Variants in LRP1 observed in about 807,000 individuals in gnomAD.
LRP1 encodes prolow-density lipoprotein receptor-related protein 1.
LRP1 carries 51 observed loss-of-function variants against 541.5 expected under a neutral mutation model. The ratio of observed to expected loss-of-function variants is 0.09; its 90% CI spans 0.08 to 0.12. LRP1 has a LOEUF of 0.12. LRP1 is among the 10% of genes least tolerant of loss of function. The pLI, the probability that LRP1 is intolerant of heterozygous loss-of-function variation, is 1.00. For missense variants in LRP1, 3,878 were observed against 6,376.2 expected, an observed-to-expected ratio of 0.61 and a Z score of 13.34; for synonymous variants, 2,219 against 2,470.8, an observed-to-expected ratio of 0.90 and a Z score of 3.02.
rs2035860106 is a variant in LRP1 at position 57,167,361 on chromosome 12, G to C, written c.2915-83G>C. 7 of 1,018,254 alleles carry C rather than the reference G, an allele frequency of 6.9e-6. No homozygotes were observed. The South Asian group carries it at 9.0e-5, about 13-fold the overall frequency. 63.1% of individuals were successfully genotyped at this position (1,018,254 alleles called of 1,614,324 possible). Reference sequence around the variant, plus strand: ...CTGGGCTAAGGGCTGCTGGTTATGGGAGGGCCGCTGCACTCACCTGCCCAG... The same window carrying C: ...CTGGGCTAAGGGCTGCTGGTTATGGCAGGGCCGCTGCACTCACCTGCCCAG... On this transcript the variant is annotated intron_variant, in intron 18 of 88. Transcript: ENST00000243077.
At position 57,197,525 on chromosome 12, in the gene LRP1, C is replaced by G. The variant is rs373799671; in HGVS notation, c.9163-20C>G. 18 of 1,614,066 alleles carry G rather than the reference C, an allele frequency of 1.1e-5. No homozygotes were observed. The highest frequency in any genetic ancestry group is 1.5e-5 in the Non-Finnish European group (18 of 1,180,000). ...TGTTGCCACAACCGACTTCTGCTGT[C>G]CTTCACTCCCCAAATCCAGGGCCTG... is the stretch of plus-strand genomic sequence containing the variant. On this transcript the variant is annotated intron_variant, in intron 57 of 88. Coordinates refer to ENST00000243077, the MANE Select transcript of LRP1 (RefSeq NM_002332.3). This position sits in a 1 kb window ranked among gnomAD's most constrained non-coding sequence, Gnocchi z 4.5.
At position 57,185,735 on chromosome 12, in the gene LRP1, C is replaced by T; in HGVS notation, c.6668C>T (p.Pro2223Leu). 1 of 1,614,198 alleles carries T rather than the reference C, an allele frequency of 6.2e-7. No homozygotes were observed. Among genetic ancestry groups the T allele is most frequent in the East Asian group, 2.2e-5 (1 of 44,886 alleles). Reference protein sequence around the residue: ...HLSDERNLNAPVQPFEDPEHM... With the variant: ...HLSDERNLNALVQPFEDPEHM... ...TCGGATGAGCGCAACCTCAATGCGC[C>T]CGTGCAGCCCTTCGAGGACCCTGAG... The change falls in exon 41 of 89, where the codon CCC (proline) becomes CTC (leucine). Residue 2223 changes from proline (P) to leucine (L), a missense_variant. Pro to Leu is a moderately conservative substitution (Grantham distance 98). Around this residue, in one of 13 missense-constraint regions of LRP1, gnomAD observed 1,100 missense variants for 1,827.4 expected, o/e 0.60. Transcript: ENST00000243077. The surrounding 1 kb of genome is among the most constrained non-coding windows in gnomAD (Gnocchi z 4.9).
chr12:57,209,904 G>A, intron 80 of LRP1, 36 bp downstream of exon 80: 1 of 1,607,368 alleles, frequency 6.2e-7, no homozygotes, highest in East Asian at 2.2e-5. Flanking sequence ...GGGGAAGGGA[G>A]GCCTGTGGGC....
At chr12:57,149,800 A>G (rs1206167700) in intron 6 of LRP1, 4 of 702,810 alleles carry the variant, frequency 5.7e-6, no homozygotes, top group African/African-American at 3.5e-5. Flanking sequence ...ATGAGGCCAC[A>G]TCGTTTAGCA....
At chr12:57,194,126 C>A in intron 48 of LRP1, 114 bp downstream of exon 48, 2 of 1,060,188 alleles carry the variant, frequency 1.9e-6, no homozygotes, top group Non-Finnish European at 1.4e-6. Flanking sequence ...CCCTCATCCC[C>A]GCTGACAGCC....
At chr12:57,193,074 C>A in intron 45 of LRP1, 102 bp from the exon 46 acceptor site, 1 of 1,584,052 alleles carries the variant, frequency 6.3e-7, no homozygotes, top group Non-Finnish European at 8.6e-7. Context: ...AAGCCTTTTG[C>A]CAAGAAGACG....
At chr12:57,192,576 G>A (rs1040113179) in intron 44 of LRP1, among the ~76,000 whole-genome samples, 8 of 152,076 alleles carry the variant, frequency 5.3e-5, no homozygotes, top group Admixed American at 5.2e-4. Context: ...CCTCAGACTC[G>A]AATCTCTCAG....
chr12:57,167,635 C>A, intron 19 of LRP1, 111 bp downstream of exon 19: 1 of 831,528 alleles, frequency 1.2e-6, no homozygotes, highest in Non-Finnish European at 2.0e-6. Flanking sequence ...CCCTCCAGGA[C>A]ACTGAATCCC....
At chr12:57,135,217 C>G (rs533953637) in intron 1 of LRP1, among the ~76,000 whole-genome samples, 2 of 152,192 alleles carry the variant, frequency 1.3e-5, no homozygotes. Context: ...TAGCTCCCAT[C>G]GGTCAGGGAG....
At chr12:57,188,369 C>T (rs1423888669) in intron 42 of LRP1, among the ~76,000 whole-genome samples, 1 of 152,196 alleles carries the variant, frequency 6.6e-6, no homozygotes, top group Non-Finnish European at 1.5e-5. Context: ...AAACACAACC[C>T]AAAGCAGCTG....
rs921230088 is a variant in LRP1 at position 57,184,270 on chromosome 12, G to A, written c.6059+56G>A. ...TCTGCCCATGGCCCATGCTGATGAG[G>A]CCCTGTCTCCTCCAGGGTCTGAGGA... On this transcript the variant is annotated intron_variant, in intron 37 of 88. Coordinates refer to ENST00000243077, the MANE Select transcript of LRP1 (RefSeq NM_002332.3). The surrounding 1 kb of genome is among the most constrained non-coding windows in gnomAD (Gnocchi z 7.8). 8.7e-6 allele frequency: 14 copies of A among 1,613,918 alleles called. No homozygotes were observed. Among genetic ancestry groups the A allele is most frequent in the Non-Finnish European group, 1.0e-5 (12 of 1,179,798 alleles).
intron 18 of LRP1, 47 bp downstream of exon 18, chr12:57,167,093 C>T: frequency 2.6e-6 from 4 of 1,514,282 alleles, no homozygotes; most frequent in Non-Finnish European, 3.7e-6. Context: ...GGGGGAGGGG[C>T]ATCCTGAGAG....
At chr12:57,169,045 G>C (rs1036773474) in intron 19 of LRP1, 95 bp from the exon 20 acceptor site, 10 of 1,088,964 alleles carry the variant, frequency 9.2e-6, no homozygotes, top group Non-Finnish European at 1.4e-5. Context: ...GGTGGGCTGA[G>C]GGTGGGTTCT....
At chr12:57,131,205 G>A (rs565393236) in intron 1 of LRP1, among the ~76,000 whole-genome samples, 20 of 152,200 alleles carry the variant, frequency 1.3e-4, no homozygotes, top group African/African-American at 4.8e-4. Context: ...TCTCTCCAGG[G>A]CAGCAATCCT....
At chr12:57,192,452 G>A (rs535831034) in intron 44 of LRP1, among the ~76,000 whole-genome samples, 17 of 152,166 alleles carry the variant, frequency 1.1e-4, no homozygotes, top group Admixed American at 2.0e-4. Flanking sequence ...CTGGGTGCAC[G>A]TGCCCTCAGT....
Position 57,201,793 on chromosome 12 carries a change from T to C in LRP1, c.10482T>C (p.Cys3494=), listed in dbSNP as rs1555187673. The change falls in exon 67 of 89, where the codon TGT becomes TGC. Residue 3494 remains cysteine (C), a synonymous_variant. Coordinates refer to ENST00000243077, the MANE Select transcript of LRP1 (RefSeq NM_002332.3). This position sits in a 1 kb window ranked among gnomAD's most constrained non-coding sequence, Gnocchi z 6.4. ...ACCCGCTTGCAGCCCAGATGACCTG[T>C]GGTGTGGACGAGTTCCGCTGCAAGG... ...DEPANCTQMT[C]GVDEFRCKDS... The C allele has an allele frequency of 4.3e-6, 7 of 1,613,864 alleles. No homozygotes were observed. The highest frequency in any genetic ancestry group is 5.9e-6 in the Non-Finnish European group (7 of 1,179,950).
intron 1 of LRP1, 23 bp from the exon 2 acceptor site, chr12:57,138,436 C>T: frequency 1.9e-6 from 3 of 1,612,268 alleles, no homozygotes; most frequent in Non-Finnish European, 1.7e-6. Flanking sequence ...TCATTTATAT[C>T]CCCTTTTCTT....
chr12:57,213,026 G>A lies in LRP1; in HGVS notation c.*471G>A, dbSNP rs1020080400. ...TGGGTGAGGTAGGCGGGAAAGGATG[G>A]AGTGTTTTAGTTCTTGGGGGAGGCC... On this transcript the variant is annotated 3_prime_UTR_variant, in exon 89 of 89. Transcript: ENST00000243077. 6.3e-6 allele frequency: 1 copy of A among 157,568 alleles called. No individual in the cohort carries two copies. The highest frequency in any genetic ancestry group is 2.4e-5 in the African/African-American group (1 of 41,444). 9.8% of individuals were successfully genotyped at this position (157,568 alleles called of 1,614,324 possible).
At chr12:57,199,049 C>G (rs1396816860) in intron 60 of LRP1, among the ~76,000 whole-genome samples, 163 bp from the exon 61 acceptor site, 1 of 152,218 alleles carries the variant, frequency 6.6e-6, no homozygotes, top group African/African-American at 2.4e-5. Flanking sequence ...AGCTCTGACA[C>G]TTGTTAGCTG....
Sources: allele counts gnomAD v4.1 joint callset (sites outside exome capture counted in the v4.1 genomes callset), GRCh38; gene constraint gnomAD v4.1.1; regional missense constraint gnomAD v4.1.1; non-coding constraint Gnocchi (gnomAD v3.1); transcripts MANE v1.5; gene names NCBI Gene and HGNC (gene_info 2026-07-23, HGNC 2026-07-21).